Variants in ZNF385B observed in about 807,000 individuals in gnomAD.
ZNF385B encodes zinc finger protein 385B.
ZNF385B carries 23 observed loss-of-function variants against 39.2 expected under a neutral mutation model. The observed-to-expected ratio is 0.59, with a 90% CI of 0.42 to 0.83. ZNF385B has a LOEUF of 0.83. ZNF385B is among the 40% of genes least tolerant of loss of function. The pLI is 0.00. For synonymous variants in ZNF385B, 205 were observed against 222.6 expected (o/e 0.92, Z 0.70); for missense variants, 552 against 598.9 (o/e 0.92, Z 0.82).
At chr2:179,750,618 T>C (rs1456370449) in intron 3 of ZNF385B, among the ~76,000 whole-genome samples, 1 of 152,094 alleles carries the variant, frequency 6.6e-6, no homozygotes. Context: ...TTTCCCCTTC[T>C]AAGTCTGTCC....
intron 3 of ZNF385B, among the ~76,000 whole-genome samples, chr2:179,572,239 A>G (rs978771863): frequency 2.4e-4 from 37 of 152,092 alleles, no homozygotes; most frequent in African/African-American, 8.7e-4. Flanking sequence ...TGTATTCAAA[A>G]TCCAACTGAT....
intron 3 of ZNF385B, among the ~76,000 whole-genome samples, chr2:179,732,085 T>C (rs1226785621): frequency 6.6e-6 from 1 of 152,240 alleles, no homozygotes; most frequent in Non-Finnish European, 1.5e-5. Context: ...TTTGAGGTTA[T>C]AGTCTCTGAA....
chr2:179,682,806 G>A (rs1256528225), intron 3 of ZNF385B, among the ~76,000 whole-genome samples: 1 of 152,036 alleles, frequency 6.6e-6, no homozygotes, highest in Non-Finnish European at 1.5e-5. Flanking sequence ...TGCCCCATGA[G>A]GTTGAATCCA....
chr2:179,548,889 C>T (rs1307315466), intron 3 of ZNF385B, among the ~76,000 whole-genome samples: 1 of 149,318 alleles, frequency 6.7e-6, no homozygotes, highest in Non-Finnish European at 1.5e-5. Flanking sequence ...ATTGTAGAAC[C>T]ATCACCACAA....
At chr2:179,728,607 A>C (rs531514026) in intron 3 of ZNF385B, among the ~76,000 whole-genome samples, 11 of 152,132 alleles carry the variant, frequency 7.2e-5, no homozygotes, top group Non-Finnish European at 1.2e-4. Context: ...TTTTAGCCCA[A>C]AATTTTTTAA....
chr2:179,636,162 C>T (rs1486025958), intron 3 of ZNF385B, among the ~76,000 whole-genome samples: 1 of 152,142 alleles, frequency 6.6e-6, no homozygotes, highest in Admixed American at 6.5e-5. Context: ...TGAAAATTTT[C>T]CACAGAATAG....
At chr2:179,518,826 ATGAAAACAAAAAATGGCTT>A (rs1352851120) in intron 4 of ZNF385B, among the ~76,000 whole-genome samples, 188 bp from the exon 5 acceptor site, 2 of 152,174 alleles carry the variant, frequency 1.3e-5, no homozygotes, top group Non-Finnish European at 2.9e-5. Flanking sequence ...AATGACAAAA[ATGAAAACAAAAAATGGCTT>A]TGAAAACATA....
chr2:179,723,774 C>T lies in ZNF385B; in HGVS notation c.298+45729G>A, dbSNP rs16866954. Among the ~76,000 whole-genome samples the T allele has an allele frequency of 2.4e-3, 365 of 152,146 alleles. 12 individuals are homozygous for T. The East Asian group carries it at 0.064, about 27-fold the overall frequency. ...TACATTGATGCCTAATTTTTCAAAG[C>T]TACGTAAGTTTTTATATACTTTCTG... On this transcript the variant is annotated intron_variant, in intron 3 of 9. Transcript: ENST00000410066.
At chr2:179,776,235 T>C (rs544751578) in intron 1 of ZNF385B, among the ~76,000 whole-genome samples, 1 of 152,242 alleles carries the variant, frequency 6.6e-6, no homozygotes, top group Non-Finnish European at 1.5e-5. Flanking sequence ...TCACTGTCAG[T>C]CTTACCAGAA....
chr2:179,732,648 T>C, intron 3 of ZNF385B, among the ~76,000 whole-genome samples: 1 of 152,138 alleles, frequency 6.6e-6, no homozygotes, highest in Admixed American at 6.5e-5. Context: ...AAAGAATGAG[T>C]TAAATTAACA....
chr2:179,691,479 C>G (rs1230810442), intron 3 of ZNF385B, among the ~76,000 whole-genome samples: 2 of 152,080 alleles, frequency 1.3e-5, no homozygotes, highest in African/African-American at 4.8e-5. Context: ...AAATATTTAC[C>G]AAATGCTATG....
intron 6 of ZNF385B, among the ~76,000 whole-genome samples, chr2:179,453,045 C>T (rs904397178): frequency 3.9e-5 from 6 of 152,124 alleles, no homozygotes; most frequent in Non-Finnish European, 5.9e-5. Context: ...TATGAATATA[C>T]AGAAACATAC....
intron 4 of ZNF385B, among the ~76,000 whole-genome samples, chr2:179,539,939 T>C (rs1336780941): frequency 6.6e-6 from 1 of 152,104 alleles, no homozygotes; most frequent in Non-Finnish European, 1.5e-5. Context: ...TTAATTTGCT[T>C]ATCTTCTCCC....
chr2:179,644,898 A>G (rs1352966421), intron 3 of ZNF385B, among the ~76,000 whole-genome samples: 3 of 152,214 alleles, frequency 2.0e-5, no homozygotes, highest in South Asian at 2.1e-4. Flanking sequence ...CCCATTTTAT[A>G]TACTTTGTTA....
chr2:179,468,936 A>G (rs1215636203), intron 6 of ZNF385B, among the ~76,000 whole-genome samples: 1 of 152,246 alleles, frequency 6.6e-6, no homozygotes, highest in African/African-American at 2.4e-5. Context: ...CATAAGAAAG[A>G]TACCAATCCT....
chr2:179,760,237 T>C lies in ZNF385B; in HGVS notation c.298+9266A>G, dbSNP rs1023696387. On this transcript the variant is annotated intron_variant, in intron 3 of 9. Coordinates refer to ENST00000410066, the MANE Select transcript of ZNF385B (RefSeq NM_152520.6). ...ATTCCTGTGTGCGTGTGTGTGTGTG[T>C]GTGTGTGTGTGTGTGTGTGTATGAC... Among the ~76,000 whole-genome samples, 47 of 151,962 alleles carry C rather than the reference T, an allele frequency of 3.1e-4. No individual in the cohort carries two copies. In the South Asian group the frequency reaches 9.6e-3, roughly 31 times the overall value.
At chr2:179,531,171 C>A (rs931019059) in intron 4 of ZNF385B, among the ~76,000 whole-genome samples, 2 of 152,116 alleles carry the variant, frequency 1.3e-5, no homozygotes, top group Non-Finnish European at 2.9e-5. Context: ...TCAGGTAACA[C>A]CTGAACCCAG....
Position 179,748,120 on chromosome 2 carries a change from G to A in ZNF385B, c.298+21383C>T, listed in dbSNP as rs1702482061. Among the ~76,000 whole-genome samples the A allele has an allele frequency of 2.0e-5, 3 of 152,106 alleles. No individual in the cohort carries two copies. The South Asian group carries it at 6.2e-4, about 32-fold the overall frequency. ...CTCTTGCTTAGGCAAGAAATCTGGA[G>A]GGTAGTGTTACTTTAATGGATGGGC... On this transcript the variant is annotated intron_variant, in intron 3 of 9. Coordinates refer to ENST00000410066, the MANE Select transcript of ZNF385B (RefSeq NM_152520.6).
At chr2:179,804,450 T>C (rs10183495) in intron 1 of ZNF385B, among the ~76,000 whole-genome samples, 38,438 of 152,082 alleles carry the variant, frequency 0.25, 5,139 homozygotes, top group Non-Finnish European at 0.29. Context: ...CAAGATATAA[T>C]ATGGCATAAA....
Sources: allele counts gnomAD v4.1 joint callset (sites outside exome capture counted in the v4.1 genomes callset), GRCh38; gene constraint gnomAD v4.1.1; transcripts MANE v1.5; gene names NCBI Gene and HGNC (gene_info 2026-07-23, HGNC 2026-07-21).